MR1: variants seen among roughly 807,000 people sequenced by gnomAD.
MR1 encodes the protein major histocompatibility complex class I-related protein 1.
Under a neutral mutation model 37.8 loss-of-function variants are expected in MR1, and 44 were observed. The observed-to-expected ratio is 1.16, with a 90% CI of 0.91 to 1.50. The LOEUF is 1.50. MR1 is among the 40% of genes most tolerant of loss of function. The pLI is 0.00. For synonymous variants in MR1, 153 were observed against 155.8 expected (o/e 0.98, Z 0.13); for missense variants, 386 against 419.1 (o/e 0.92, Z 0.69).
intron 1 of MR1, among the ~76,000 whole-genome samples, chr1:181,047,116 G>T (rs753588983): frequency 7.2e-5 from 11 of 152,132 alleles, no homozygotes; most frequent in Non-Finnish European, 1.3e-4. Flanking sequence ...TCTCCGTCAG[G>T]CCCTAAGCTT....
intron 1 of MR1, among the ~76,000 whole-genome samples, chr1:181,038,121 C>A (rs1657367451): frequency 6.6e-6 from 1 of 152,190 alleles, no homozygotes; most frequent in Admixed American, 6.5e-5. Context: ...CTGTTTCCAG[C>A]AGCTAGGACT....
chr1:181,061,921 C>T lies in MR1; in HGVS notation c.*6656C>T, dbSNP rs1250593329. ...GTATTAACATTCTCCATCTAATAAA[C>T]TTTATCTTGTCATTGCATTGTCTGT... On this transcript the variant is annotated 3_prime_UTR_variant, in exon 6 of 6. Transcript: ENST00000367580. The T allele has an allele frequency of 6.6e-6, 1 of 152,188 alleles. No homozygotes were observed. The highest frequency in any genetic ancestry group is 1.5e-5 in the Non-Finnish European group (1 of 68,038). 9.4% of individuals were successfully genotyped at this position (152,188 alleles called of 1,614,324 possible). A position where few individuals can be genotyped will look rare whatever the true frequency, so the allele number is the denominator to read the frequency against.
intron 1 of MR1, among the ~76,000 whole-genome samples, chr1:181,041,086 A>G (rs1462921958): frequency 5.9e-5 from 1 of 16,880 alleles, no homozygotes; most frequent in East Asian, 1.6e-3. Context: ...TGTCTCAATA[A>G]ATAAATAAAT....
In MR1 at chr1:181,049,305, T is replaced by C; in HGVS notation, c.321T>C (p.Asn107=). 1 of 1,613,364 alleles carries C rather than the reference T, an allele frequency of 6.2e-7. No individual in the cohort carries two copies. Residue 107 remains asparagine (N), a synonymous_variant, in exon 2 of 6, where the codon AAT becomes AAC. Transcript: ENST00000367580. ...TGAAGCGCCTACAGAGGCACTACAA[T>C]CACTCAGGTGTGCATGCGGCAGAGA... ...VELKRLQRHY[N]HSGSHTYQRM...
rs1449752884 is a variant in MR1 at position 181,055,629 on chromosome 1, A to G, written c.*364A>G. The G allele has an allele frequency of 2.3e-5, 6 of 257,616 alleles. No individual in the cohort carries two copies. In the South Asian group the frequency reaches 4.9e-4, roughly 21 times the overall value. The allele number at this position is 257,616 out of a possible 1,614,324, so 16.0% of individuals were successfully genotyped here. On this transcript the variant is annotated 3_prime_UTR_variant, in exon 6 of 6. Transcript: ENST00000367580. ...AACCAGAGCAGGAACTGTCTTCTGC[A>G]ATGCCTTGGACTTGAGCCTCCAGCC...
At chr1:181,044,418 G>T (rs1485251285) in intron 1 of MR1, among the ~76,000 whole-genome samples, 1 of 152,204 alleles carries the variant, frequency 6.6e-6, no homozygotes, top group Non-Finnish European at 1.5e-5. Context: ...GCAGCAGGGT[G>T]GGCAATCTGG....
intron 1 of MR1, among the ~76,000 whole-genome samples, chr1:181,036,553 A>G (rs1258163506): frequency 2.0e-5 from 3 of 152,170 alleles, no homozygotes; most frequent in African/African-American, 7.2e-5. Context: ...GGGAAGAGAT[A>G]CTGCAGGGTT....
At position 181,057,963 on chromosome 1, in the gene MR1, T is replaced by A. The variant is rs1658705060; in HGVS notation, c.*2698T>A. Reference sequence around the variant, plus strand: ...AGGCAGAGGTTGTGGTGAGCCGAGATCGCGCCATCGCACTCTAGCCTGGGC... The same window carrying A: ...AGGCAGAGGTTGTGGTGAGCCGAGAACGCGCCATCGCACTCTAGCCTGGGC... On this transcript the variant is annotated 3_prime_UTR_variant, in exon 6 of 6. Coordinates refer to ENST00000367580, the MANE Select transcript of MR1 (RefSeq NM_001385161.1). The A allele has an allele frequency of 6.6e-6, 1 of 152,280 alleles. No individual in the cohort carries two copies. The highest frequency in any genetic ancestry group is 2.4e-5 in the African/African-American group (1 of 41,464). 9.4% of individuals were successfully genotyped at this position (152,280 alleles called of 1,614,324 possible).
At chr1:181,042,234 C>T (rs1304508327) in intron 1 of MR1, among the ~76,000 whole-genome samples, 2 of 147,026 alleles carry the variant, frequency 1.4e-5, no homozygotes, top group Non-Finnish European at 3.0e-5. Context: ...TGGAGTCTCG[C>T]TCTTGTTGCC....
intron 1 of MR1, among the ~76,000 whole-genome samples, chr1:181,041,087 A>G (rs1657529142): frequency 1.4e-5 from 1 of 69,258 alleles, no homozygotes; most frequent in South Asian, 2.9e-4. Flanking sequence ...GTCTCAATAA[A>G]TAAATAAATA....
At chr1:181,035,145 C>G (rs1657206207) in intron 1 of MR1, among the ~76,000 whole-genome samples, 1 of 151,830 alleles carries the variant, frequency 6.6e-6, no homozygotes, top group Non-Finnish European at 1.5e-5. Context: ...ACTAAAAATA[C>G]AAAAAATTAG....
At position 181,052,265 on chromosome 1, in the gene MR1, A is replaced by T. The variant is rs774856707; in HGVS notation, c.635A>T (p.Glu212Val). ...EPPLVRVNRK[E>V]TFPGVTALFC... ...CCACTGGTCAGAGTAAATCGCAAAG[A>T]AACTTTTCCAGGGGTTACAGCTCTC... Residue 212 changes from glutamate to valine, a missense_variant, in exon 4 of 6, where the codon GAA (glutamate) becomes GTA (valine). Transcript: ENST00000367580. 1 of 1,614,182 alleles carries T rather than the reference A, an allele frequency of 6.2e-7. No homozygotes were observed. The highest frequency in any genetic ancestry group is 8.5e-7 in the Non-Finnish European group (1 of 1,180,000).
In MR1 at chr1:181,049,129, T is replaced by C. The variant is rs1658126668; in HGVS notation, c.145T>C (p.Tyr49His). 2 of 1,614,130 alleles carry C rather than the reference T, an allele frequency of 1.2e-6. No individual in the cohort carries two copies. Among genetic ancestry groups the C allele is most frequent in the Non-Finnish European group, 8.5e-7 (1 of 1,179,992 alleles). The change falls in exon 2 of 6, where the codon TAC becomes CAC. Residue 49 changes from tyrosine (Y) to histidine (H), a missense_variant. Coordinates refer to ENST00000367580, the MANE Select transcript of MR1 (RefSeq NM_001385161.1). ...HGVPEFISVG[Y>H]VDSHPITTYD... ...GGTCCCTGAATTTATTTCGGTTGGG[T>C]ACGTGGACTCGCACCCTATCACCAC...
rs1658793356 is a variant in MR1 at position 181,059,297 on chromosome 1, G to A, written c.*4032G>A. The A allele has an allele frequency of 6.6e-6, 1 of 152,192 alleles. No homozygotes were observed. The highest frequency in any genetic ancestry group is 6.5e-5 in the Admixed American group (1 of 15,274). 9.4% of individuals were successfully genotyped at this position (152,192 alleles called of 1,614,324 possible). Reference sequence around the variant, plus strand: ...CCATCTTTGAGCATTGTATGTCTCTGTAACATCTCTGCATCTCCTTTTCAC... The same window carrying A: ...CCATCTTTGAGCATTGTATGTCTCTATAACATCTCTGCATCTCCTTTTCAC... On this transcript the variant is annotated 3_prime_UTR_variant, in exon 6 of 6. Transcript: ENST00000367580.
At chr1:181,043,204 C>G (rs893414208) in intron 1 of MR1, among the ~76,000 whole-genome samples, 2 of 152,288 alleles carry the variant, frequency 1.3e-5, no homozygotes, top group East Asian at 3.9e-4. Context: ...CCTCACCCAC[C>G]ACAGGAAGGG....
intron 1 of MR1, among the ~76,000 whole-genome samples, chr1:181,035,005 A>T (rs1657196673): frequency 6.6e-6 from 1 of 152,176 alleles, no homozygotes; most frequent in South Asian, 2.1e-4. Flanking sequence ...AAATAAAAAA[A>T]TTTTAAATCA....
intron 1 of MR1, among the ~76,000 whole-genome samples, chr1:181,041,487 C>T (rs929746248): frequency 2.0e-5 from 3 of 152,232 alleles, no homozygotes; most frequent in African/African-American, 7.2e-5. Flanking sequence ...TTTCTCCTCT[C>T]CACATTCTCT....
At chr1:181,042,528 G>A (rs1279020540) in intron 1 of MR1, among the ~76,000 whole-genome samples, 6 of 148,794 alleles carry the variant, frequency 4.0e-5, no homozygotes, top group African/African-American at 1.2e-4. Context: ...TAGGCCAGGT[G>A]CGGTGGCTCA....
intron 1 of MR1, among the ~76,000 whole-genome samples, chr1:181,038,307 C>T (rs1413843183): frequency 1.3e-5 from 2 of 152,212 alleles, no homozygotes; most frequent in African/African-American, 4.8e-5. Flanking sequence ...ACTAATGGTT[C>T]TTGCTGCACA....
Sources: allele counts gnomAD v4.1 joint callset (sites outside exome capture counted in the v4.1 genomes callset), GRCh38; gene constraint gnomAD v4.1.1; transcripts MANE v1.5; gene names NCBI Gene and HGNC (gene_info 2026-07-23, HGNC 2026-07-21).